Variants in AKR1C8 observed in about 807,000 individuals in gnomAD.
AKR1C8 encodes the protein aldo-keto reductase family 1 member C-like protein 1.
At chr10:5,160,675 G>A in the AKR1C8 span, 1 of 375,590 alleles carries the variant, frequency 2.7e-6, no homozygotes. Context: ...CTTCACAGAT[G>A]AGAACACAGA....
the AKR1C8 span, chr10:5,123,530 C>T: frequency 1.7e-6 from 1 of 595,458 alleles, no homozygotes; most frequent in African/African-American, 1.9e-5. Flanking sequence ...CATTCTGCAC[C>T]AGAGCGTCTC....
the AKR1C8 span, among the ~76,000 whole-genome samples, chr10:5,139,667 C>A: frequency 1.3e-5 from 2 of 152,270 alleles, no homozygotes; most frequent in East Asian, 3.9e-4. Flanking sequence ...GGATTAAAGA[C>A]TTAAATGTTA....
chr10:5,138,088 G>C, the AKR1C8 span, among the ~76,000 whole-genome samples: 13 of 151,366 alleles, frequency 8.6e-5, no homozygotes, highest in Admixed American at 8.6e-4. Context: ...TGCACGTACT[G>C]TCTTGATAAA....
chr10:5,138,838 G>T, the AKR1C8 span, among the ~76,000 whole-genome samples: 1 of 152,188 alleles, frequency 6.6e-6, no homozygotes, highest in Non-Finnish European at 1.5e-5. Context: ...GAAATAAAGA[G>T]TATTCAATTA....
the AKR1C8 span, among the ~76,000 whole-genome samples, chr10:5,179,571 G>T: frequency 0.55 from 82,772 of 149,360 alleles, 23,837 homozygotes; most frequent in Non-Finnish European, 0.59. Context: ...TCCTGCAGAG[G>T]GTTTTCCAAC....
chr10:5,175,075 G>C, the AKR1C8 span, among the ~76,000 whole-genome samples: 1 of 151,278 alleles, frequency 6.6e-6, no homozygotes, highest in Admixed American at 6.6e-5. Context: ...CCATTAACTC[G>C]TCATTTAGCA....
chr10:5,171,100 TATTA>T, the AKR1C8 span, among the ~76,000 whole-genome samples: 52 of 152,276 alleles, frequency 3.4e-4, no homozygotes, highest in African/African-American at 1.1e-3. Context: ...TCCTGTTTGA[TATTA>T]ATTAACATTT....
chr10:5,118,950 A>C, the AKR1C8 span, among the ~76,000 whole-genome samples: 1 of 146,720 alleles, frequency 6.8e-6, no homozygotes, highest in African/African-American at 2.5e-5. Flanking sequence ...AAAAAAAAAA[A>C]CAGGTGGAAT....
At chr10:5,167,210 A>G in the AKR1C8 span, among the ~76,000 whole-genome samples, 1 of 152,166 alleles carries the variant, frequency 6.6e-6, no homozygotes, top group South Asian at 2.1e-4. Flanking sequence ...TTCAACCCTT[A>G]TGGAAGTCAG....
At chr10:5,155,683 C>T in the AKR1C8 span, 299 of 471,758 alleles carry the variant, frequency 6.3e-4, 1 homozygote, top group African/African-American at 4.8e-3. Context: ...ACAATTGTAA[C>T]TTGTCATATC....
At chr10:5,142,014 G>C in the AKR1C8 span, among the ~76,000 whole-genome samples, 1 of 152,028 alleles carries the variant, frequency 6.6e-6, no homozygotes, top group Non-Finnish European at 1.5e-5. Flanking sequence ...ATTCAAAATC[G>C]ATTGCTTATT....
At chr10:5,154,012 A>C in the AKR1C8 span, 2 of 259,088 alleles carry the variant, frequency 7.7e-6, no homozygotes, top group Admixed American at 9.3e-5. Flanking sequence ...TCTTCATTTC[A>C]TAAAATAAAG....
At chr10:5,161,046 C>T in the AKR1C8 span, among the ~76,000 whole-genome samples, 1 of 152,042 alleles carries the variant, frequency 6.6e-6, no homozygotes, top group African/African-American at 2.4e-5. Flanking sequence ...TGCACGTGTG[C>T]ATGTGTGTAT....
chr10:5,158,961 C>G, the AKR1C8 span, among the ~76,000 whole-genome samples: 1 of 152,092 alleles, frequency 6.6e-6, no homozygotes, highest in Non-Finnish European at 1.5e-5. Context: ...CCAATTATAG[C>G]CTCTAAAAGC....
At chr10:5,118,498 G>A in the AKR1C8 span, among the ~76,000 whole-genome samples, 1 of 152,160 alleles carries the variant, frequency 6.6e-6, no homozygotes, top group African/African-American at 2.4e-5. Context: ...GAAAGGTGGA[G>A]GGAAAGTTAG....
At chr10:5,153,589 G>A in the AKR1C8 span, among the ~76,000 whole-genome samples, 12 of 152,122 alleles carry the variant, frequency 7.9e-5, no homozygotes, top group Admixed American at 3.3e-4. Flanking sequence ...CTGGGTAAGC[G>A]TCAGGAAACT....
chr10:5,145,851 T>C, the AKR1C8 span, among the ~76,000 whole-genome samples: 9 of 152,110 alleles, frequency 5.9e-5, no homozygotes, highest in Non-Finnish European at 1.2e-4. Context: ...TTACTGGGTA[T>C]ATACCCAAAG....
chr10:5,132,711 TG>T, the AKR1C8 span: 57 of 1,577,766 alleles, frequency 3.6e-5, 1 homozygote, highest in East Asian at 1.2e-3. Context: ...AGAATCAATA[TG>T]GAAGAAACCA....
At chr10:5,118,259 G>A in the AKR1C8 span, among the ~76,000 whole-genome samples, 1 of 152,146 alleles carries the variant, frequency 6.6e-6, no homozygotes, top group African/African-American at 2.4e-5. Flanking sequence ...AGGGGAAACA[G>A]GACTCATGGA....
Sources: allele counts gnomAD v4.1 joint callset (sites outside exome capture counted in the v4.1 genomes callset), GRCh38; gene constraint gnomAD v4.1.1; transcripts MANE v1.5; gene names NCBI Gene and HGNC (gene_info 2026-07-23, HGNC 2026-07-21).